Variants in ATRNL1 observed in about 807,000 individuals in gnomAD.
ATRNL1 encodes attractin like 1.
ATRNL1 carries 95 observed loss-of-function variants against 182.7 expected under a neutral mutation model. The observed-to-expected ratio is 0.52, with a 90% CI of 0.44 to 0.62. The LOEUF is 0.62. ATRNL1 is among the 20% of genes least tolerant of loss of function. ATRNL1 has a pLI of 0.00. For synonymous variants in ATRNL1, 576 were observed against 568.3 expected (o/e 1.01, Z -0.19); for missense variants, 1,471 against 1,679.5 (o/e 0.88, Z 2.17).
At position 115,608,293 on chromosome 10, in the gene ATRNL1, A is replaced by G. The variant is rs566767649; in HGVS notation, c.3795+58757A>G. Among the ~76,000 whole-genome samples, 393 of 152,190 alleles carry G rather than the reference A, an allele frequency of 2.6e-3. 1 individual carries two copies. The highest frequency in any genetic ancestry group is 8.9e-3 in the African/African-American group (369 of 41,564). ...CCATAACCGATAGCTACTCATCTAC[A>G]AAGAGTCTTAAAGAGTAAAACGTAC... On this transcript the variant is annotated intron_variant, in intron 26 of 28. Transcript: ENST00000355044.
rs1554923639 is a variant in ATRNL1, at chr10:115,299,160, AAAAT to A, written c.2416-869_2416-866del. ...TAATATTGGTAGCTTAGTATTTTGG[AAAAT>A]AAATCTATTATCATATATATTAAAA... On this transcript the variant is annotated intron_variant, in intron 15 of 28. Coordinates refer to ENST00000355044, the MANE Select transcript of ATRNL1 (RefSeq NM_207303.4). Among the ~76,000 whole-genome samples the A allele has an allele frequency of 3.3e-5, 5 of 151,930 alleles. No homozygotes were observed. The South Asian group carries it at 8.3e-4, about 25-fold the overall frequency.
chr10:115,884,484 T>C (rs531950763), intron 28 of ATRNL1, among the ~76,000 whole-genome samples: 5 of 152,202 alleles, frequency 3.3e-5, no homozygotes, highest in South Asian at 2.1e-4. Flanking sequence ...TTCTTCCTAA[T>C]TATGTCTCTC....
At chr10:115,573,112 T>C (rs1456226812) in intron 26 of ATRNL1, among the ~76,000 whole-genome samples, 2 of 152,146 alleles carry the variant, frequency 1.3e-5, no homozygotes, top group African/African-American at 4.8e-5. Flanking sequence ...TATCCTAAGC[T>C]CTTGCCAGGC....
chr10:115,584,003 G>T (rs1275335075), intron 26 of ATRNL1, among the ~76,000 whole-genome samples: 10 of 152,174 alleles, frequency 6.6e-5, no homozygotes, highest in African/African-American at 1.9e-4. Context: ...CTTCTATTGA[G>T]ATAGTCATGT....
At chr10:115,412,294 G>A (rs907043811) in intron 20 of ATRNL1, among the ~76,000 whole-genome samples, 1 of 152,074 alleles carries the variant, frequency 6.6e-6, no homozygotes, top group Non-Finnish European at 1.5e-5. Context: ...AAAAACCTGA[G>A]GGAAAATAGA....
chr10:115,178,985 T>C (rs115819883), intron 8 of ATRNL1, among the ~76,000 whole-genome samples: 1,781 of 152,146 alleles, frequency 0.012, 31 homozygotes, highest in African/African-American at 0.04. Flanking sequence ...CTGCAACATA[T>C]CTCCTGTGTG....
At chr10:115,651,067 A>T (rs1029432325) in intron 26 of ATRNL1, among the ~76,000 whole-genome samples, 1 of 152,182 alleles carries the variant, frequency 6.6e-6, no homozygotes, top group Non-Finnish European at 1.5e-5. Flanking sequence ...TGTTCCGCTG[A>T]CTTGCTTTGG....
At chr10:115,773,687 A>G (rs951231042) in intron 27 of ATRNL1, among the ~76,000 whole-genome samples, 2 of 152,200 alleles carry the variant, frequency 1.3e-5, no homozygotes, top group Non-Finnish European at 2.9e-5. Flanking sequence ...TCACATGCTC[A>G]TGAAATCAGC....
intron 23 of ATRNL1, among the ~76,000 whole-genome samples, chr10:115,467,827 T>G (rs920960161): frequency 2.7e-5 from 4 of 150,774 alleles, no homozygotes; most frequent in Non-Finnish European, 6.0e-5. Flanking sequence ...ATTTTTATGT[T>G]GAATTATGAA....
intron 19 of ATRNL1, among the ~76,000 whole-genome samples, chr10:115,345,113 C>T (rs1855917810): frequency 6.6e-6 from 1 of 152,214 alleles, no homozygotes; most frequent in Non-Finnish European, 1.5e-5. Context: ...CTCTGCTGTC[C>T]CAGCAGGTCC....
chr10:115,369,024 G>A (rs1857238282), intron 19 of ATRNL1, among the ~76,000 whole-genome samples: 2 of 152,012 alleles, frequency 1.3e-5, no homozygotes, highest in Non-Finnish European at 2.9e-5. Context: ...GTAAATTTGA[G>A]ATTTTAGATA....
At chr10:115,783,666 A>G (rs1949323477) in intron 27 of ATRNL1, among the ~76,000 whole-genome samples, 1 of 152,174 alleles carries the variant, frequency 6.6e-6, no homozygotes, top group Non-Finnish European at 1.5e-5. Context: ...TTGTAAGTGA[A>G]TTACAGGAGA....
chr10:115,587,842 C>T (rs1266824866), intron 26 of ATRNL1, among the ~76,000 whole-genome samples: 1 of 115,064 alleles, frequency 8.7e-6, no homozygotes, highest in Non-Finnish European at 1.9e-5. Context: ...TCCATTTTAA[C>T]TATTAAAATA....
intron 26 of ATRNL1, among the ~76,000 whole-genome samples, chr10:115,602,522 A>G (rs897361736): frequency 4.6e-5 from 7 of 152,112 alleles, no homozygotes; most frequent in Non-Finnish European, 1.0e-4. Context: ...TTAGTGTCAG[A>G]CGCTACAAGG....
At chr10:115,841,498 G>A (rs1044089097) in intron 27 of ATRNL1, among the ~76,000 whole-genome samples, 27 of 152,022 alleles carry the variant, frequency 1.8e-4, no homozygotes, top group African/African-American at 6.5e-4. Flanking sequence ...TGAAGTTTAC[G>A]GTTGGAATAC....
At position 115,759,142 on chromosome 10, in the gene ATRNL1, C is replaced by T. The variant is rs188275795; in HGVS notation, c.3903+31787C>T. ...ATAATATTGTATTATTTTGTTTACG[C>T]GGATGCAGGAAGTCTGGGTTAGGCT... On this transcript the variant is annotated intron_variant, in intron 27 of 28. Transcript: ENST00000355044. 6.5e-4 allele frequency among the ~76,000 whole-genome samples: 99 copies of T among 152,184 alleles called. 1 individual carries two copies. Among genetic ancestry groups the T allele is most frequent in the Admixed American group, 1.4e-3 (21 of 15,294 alleles).
chr10:115,752,355 G>T (rs1294273693), intron 27 of ATRNL1, among the ~76,000 whole-genome samples: 4 of 151,988 alleles, frequency 2.6e-5, no homozygotes, highest in Non-Finnish European at 5.9e-5. Flanking sequence ...CATTCAGTTA[G>T]TTATATATTC....
At chr10:115,413,339 G>A (rs576144930) in intron 20 of ATRNL1, among the ~76,000 whole-genome samples, 25 of 152,106 alleles carry the variant, frequency 1.6e-4, no homozygotes, top group African/African-American at 2.6e-4. Flanking sequence ...TGAATTAAAC[G>A]TGGAACAAAT....
chr10:115,308,451 A>AT (rs1271619413), intron 17 of ATRNL1, among the ~76,000 whole-genome samples: 1 of 152,088 alleles, frequency 6.6e-6, no homozygotes, highest in Non-Finnish European at 1.5e-5. Context: ...ACAAATCTGT[A>AT]TTTTTTTCAG....
Sources: allele counts gnomAD v4.1 joint callset (sites outside exome capture counted in the v4.1 genomes callset), GRCh38; gene constraint gnomAD v4.1.1; transcripts MANE v1.5; gene names NCBI Gene and HGNC (gene_info 2026-07-23, HGNC 2026-07-21).